NECTIN3: variants seen among roughly 807,000 people sequenced by gnomAD.
NECTIN3 encodes the protein nectin cell adhesion molecule 3, also known as nectin-3.
In NECTIN3, 8 loss-of-function variants were observed where a neutral mutation model predicts 49.4. The ratio of observed to expected loss-of-function variants is 0.16; its 90% CI spans 0.10 to 0.29. The LOEUF is 0.29. Among genes scored for constraint, NECTIN3 ranks in the 10% least tolerant of loss-of-function variants. The pLI is 1.00. For missense variants in NECTIN3, 581 were observed against 654.6 expected, an observed-to-expected ratio of 0.89 and a Z score of 1.23; for synonymous variants, 277 against 241.1, an observed-to-expected ratio of 1.15 and a Z score of -1.38.
intron 7 of NECTIN3, among the ~76,000 whole-genome samples, chr3:111,165,323 A>G (rs1317146608): frequency 6.6e-6 from 1 of 152,072 alleles, no homozygotes; most frequent in Non-Finnish European, 1.5e-5. Flanking sequence ...GATTACAGGC[A>G]TGAGCCACCG....
intron 7 of NECTIN3, among the ~76,000 whole-genome samples, chr3:111,164,625 C>T (rs77050437): frequency 0.039 from 5,981 of 152,278 alleles, 368 homozygotes; most frequent in African/African-American, 0.14. Context: ...CCATGCCTCT[C>T]TTCTAGCTTC....
chr3:111,160,956 G>A (rs1414824670), intron 7 of NECTIN3, among the ~76,000 whole-genome samples: 3 of 152,166 alleles, frequency 2.0e-5, no homozygotes, highest in Non-Finnish European at 2.9e-5. Context: ...GCAGTGAGCC[G>A]AGGTTGCGCC....
chr3:111,148,937 C>G (rs555363543), intron 7 of NECTIN3, among the ~76,000 whole-genome samples: 3 of 151,996 alleles, frequency 2.0e-5, no homozygotes, highest in African/African-American at 7.2e-5. Flanking sequence ...CCTTACATTT[C>G]CTTCTCTCTC....
chr3:111,072,561 CTT>C (rs2030858820), intron 1 of NECTIN3: 2 of 1,535,668 alleles, frequency 1.3e-6, no homozygotes, highest in Non-Finnish European at 1.7e-6. Flanking sequence ...CCCGGTGAAA[CTT>C]GAGCTGTGAG....
intron 7 of NECTIN3, among the ~76,000 whole-genome samples, chr3:111,151,244 A>G (rs1559809830): frequency 6.6e-6 from 1 of 151,904 alleles, no homozygotes; most frequent in African/African-American, 2.4e-5. Context: ...GCATTACCTT[A>G]TGTATTCCGA....
chr3:111,125,714 A>T (rs2107477716), intron 4 of NECTIN3, among the ~76,000 whole-genome samples: 1 of 152,328 alleles, frequency 6.6e-6, no homozygotes. Flanking sequence ...GCATTAAATG[A>T]TGCTCTATAA....
At chr3:111,086,317 C>G (rs569841996) in intron 1 of NECTIN3, among the ~76,000 whole-genome samples, 33 of 152,182 alleles carry the variant, frequency 2.2e-4, no homozygotes, top group South Asian at 1.2e-3. Context: ...CAGTCTTTTT[C>G]TTTACAATTA....
intron 5 of NECTIN3, among the ~76,000 whole-genome samples, chr3:111,128,808 T>G (rs921780115): frequency 6.6e-6 from 1 of 152,224 alleles, no homozygotes; most frequent in Admixed American, 6.5e-5. Context: ...CTTATTTCAC[T>G]ATTACAATAA....
Position 111,136,422 on chromosome 3 carries a change from A to T in NECTIN3, c.*2207A>T. ...CTGGAAAGCCACAAGTGAGTATTTG[A>T]CATATTCTGTATCCTTAATCCAATC... On this transcript the variant is annotated 3_prime_UTR_variant, in exon 6 of 6. Transcript: ENST00000485303. 1 of 984,262 alleles carries T rather than the reference A, an allele frequency of 1.0e-6. No homozygotes were observed. Among genetic ancestry groups the T allele is most frequent in the Non-Finnish European group, 1.2e-6 (1 of 829,120 alleles). 61.0% of individuals were successfully genotyped at this position (984,262 alleles called of 1,614,324 possible).
intron 5 of NECTIN3, among the ~76,000 whole-genome samples, chr3:111,143,506 A>T (rs896640797): frequency 2.6e-5 from 4 of 151,958 alleles, no homozygotes. Context: ...AATCTAAACT[A>T]TGTTACCCAC....
chr3:111,134,140 T>C lies in NECTIN3; in HGVS notation c.1575T>C (p.His525=), dbSNP rs1319648413. Residue 525 remains histidine (H), a synonymous_variant, in exon 6 of 6, where the codon CAT becomes CAC. Coordinates refer to ENST00000485303, the MANE Select transcript of NECTIN3 (RefSeq NM_015480.3). ...KMGMKFVSDE[H]YDENEDDLVS... ...GAATGAAGTTTGTCAGTGATGAACA[T>C]TATGATGAAAACGAAGATGACTTAG... 1 of 1,612,824 alleles carries C rather than the reference T, an allele frequency of 6.2e-7. No homozygotes were observed. Among genetic ancestry groups the C allele is most frequent in the South Asian group, 1.1e-5 (1 of 90,792 alleles).
chr3:111,091,921 T>C (rs1457037466), intron 1 of NECTIN3, among the ~76,000 whole-genome samples: 1 of 152,230 alleles, frequency 6.6e-6, no homozygotes, highest in Non-Finnish European at 1.5e-5. Flanking sequence ...CCCACCAGCA[T>C]TGGAAAAGTC....
At chr3:111,155,469 G>A (rs1486167766) in intron 7 of NECTIN3, among the ~76,000 whole-genome samples, 1 of 152,104 alleles carries the variant, frequency 6.6e-6, no homozygotes, top group East Asian at 1.9e-4. Flanking sequence ...AGAGCACCTG[G>A]TAGCTTTCTA....
chr3:111,106,227 C>A (rs182571823), intron 1 of NECTIN3, among the ~76,000 whole-genome samples: 362 of 152,254 alleles, frequency 2.4e-3, no homozygotes, highest in African/African-American at 8.3e-3. Context: ...TGCAAACTGT[C>A]TAATGGCTCA....
intron 1 of NECTIN3, among the ~76,000 whole-genome samples, chr3:111,089,918 G>T (rs2032160007): frequency 6.6e-6 from 1 of 151,908 alleles, no homozygotes. Context: ...TTTTTGCCCC[G>T]TGCATATTAG....
chr3:111,122,875 A>G (rs2034012905), intron 4 of NECTIN3, among the ~76,000 whole-genome samples: 1 of 152,070 alleles, frequency 6.6e-6, no homozygotes, highest in African/African-American at 2.4e-5. Flanking sequence ...CTCCAGATGT[A>G]TCTATCAACT....
intron 1 of NECTIN3, chr3:111,077,344 TAAAAAA>T (rs10667346): frequency 1.7e-4 from 14 of 80,292 alleles, no homozygotes; most frequent in East Asian, 3.9e-4. Context: ...ACTTTAATGG[TAAAAAA>T]AAAAAAAAAA....
In NECTIN3 at chr3:111,135,423, C is replaced by G. The variant is rs1361134976; in HGVS notation, c.*1208C>G. The G allele has an allele frequency of 1.1e-6, 1 of 929,886 alleles. No individual in the cohort carries two copies. The highest frequency in any genetic ancestry group is 1.3e-6 in the Non-Finnish European group (1 of 779,934). The allele number at this position is 929,886 out of a possible 1,614,324, so 57.6% of individuals were successfully genotyped here. A position where few individuals can be genotyped will look rare whatever the true frequency, so the allele number is the denominator to read the frequency against. On this transcript the variant is annotated 3_prime_UTR_variant, in exon 6 of 6. Coordinates refer to ENST00000485303, the MANE Select transcript of NECTIN3 (RefSeq NM_015480.3). ...TTTTTTTACATAATTACATATATTC[C>G]TTCTGAATCATTTATCTTTTGAGAA...
rs763550976 is a variant in NECTIN3, at chr3:111,112,085, G to C, written c.216G>C (p.Lys72Asn). The C allele has an allele frequency of 6.2e-7, 1 of 1,613,674 alleles. No homozygotes were observed. Among genetic ancestry groups the C allele is most frequent in the Non-Finnish European group, 8.5e-7 (1 of 1,179,800 alleles). The change falls in exon 2 of 6, where the codon AAG becomes AAC. Residue 72 changes from lysine (K) to asparagine (N), a missense_variant. This residue lies in a region of NECTIN3 where 234 missense variants were observed against 340.6 expected (regional missense o/e 0.69). Coordinates refer to ENST00000485303, the MANE Select transcript of NECTIN3 (RefSeq NM_015480.3). Reference protein sequence around the residue: ...VEPHVTAVWGKNVSLKCLIEV... With the variant: ...VEPHVTAVWGNNVSLKCLIEV... ...CACATGTCACAGCAGTATGGGGAAA[G>C]AATGTTTCATTAAAGTGTTTAATTG...
Sources: gnomAD v4.1 joint callset for allele counts (sites outside exome capture counted in the v4.1 genomes callset) on GRCh38, gnomAD v4.1.1 for gene constraint, gnomAD v4.1.1 regional missense constraint, MANE v1.5 for transcripts, NCBI Gene and HGNC (gene_info 2026-07-23, HGNC 2026-07-21) for gene names.